PDE11A: variants seen among roughly 807,000 people sequenced by gnomAD.
PDE11A encodes the protein phosphodiesterase 11A, also known as dual 3',5'-cyclic-AMP and -GMP phosphodiesterase 11A.
PDE11A carries 100 observed loss-of-function variants against 100.5 expected under a neutral mutation model. That is an observed-to-expected ratio of 1.00 (90% CI 0.85 to 1.18). PDE11A has a LOEUF of 1.18. Ranked by LOEUF, PDE11A falls within the 50% of genes most tolerant of loss-of-function variation. The probability of loss-of-function intolerance (pLI) is 0.00; values close to 1 mark genes in which losing one functional copy is unlikely to be tolerated. For missense variants in PDE11A, 1,141 were observed against 1,152.6 expected, an observed-to-expected ratio of 0.99 and a Z score of 0.15; for synonymous variants, 381 against 420.8, an observed-to-expected ratio of 0.91 and a Z score of 1.16.
chr2:177,849,984 C>A (rs1021619430), intron 5 of PDE11A, among the ~76,000 whole-genome samples: 5 of 152,122 alleles, frequency 3.3e-5, no homozygotes, highest in African/African-American at 1.2e-4. Context: ...GATTCAATGC[C>A]ATCCCCATCA....
intron 2 of PDE11A, among the ~76,000 whole-genome samples, chr2:178,095,948 G>A (rs1039813914): frequency 2.6e-5 from 4 of 152,176 alleles, no homozygotes; most frequent in Non-Finnish European, 1.5e-5. Context: ...GCACAGAGCA[G>A]CAGTGGGGCC....
At chr2:177,719,234 G>A (rs974476804) in intron 12 of PDE11A, among the ~76,000 whole-genome samples, 1 of 152,198 alleles carries the variant, frequency 6.6e-6, no homozygotes, top group Non-Finnish European at 1.5e-5. Flanking sequence ...ACTATCGGAA[G>A]TATTGAATGA....
At chr2:177,927,040 C>T (rs535861992) in intron 2 of PDE11A, 113 of 152,372 alleles carry the variant, frequency 7.4e-4, no homozygotes, top group African/African-American at 2.6e-3. Flanking sequence ...TCCCTACTGC[C>T]TTCAGGTCAG....
chr2:177,764,485 T>C (rs1298035327), intron 10 of PDE11A, among the ~76,000 whole-genome samples: 1 of 152,254 alleles, frequency 6.6e-6, no homozygotes, highest in Non-Finnish European at 1.5e-5. Context: ...TTGTTTGGTC[T>C]GTCCACCGCA....
intron 6 of PDE11A, among the ~76,000 whole-genome samples, chr2:177,826,074 T>G (rs553377400): frequency 1.3e-5 from 2 of 152,324 alleles, no homozygotes; most frequent in Admixed American, 1.3e-4. Context: ...CATTAGAGTC[T>G]CAAAAGTTAG....
At chr2:178,039,889 C>A (rs2086662683) in intron 1 of PDE11A, among the ~76,000 whole-genome samples, 1 of 151,818 alleles carries the variant, frequency 6.6e-6, no homozygotes, top group Non-Finnish European at 1.5e-5. Flanking sequence ...AGTTCAAAAG[C>A]AGGCAAAATT....
At chr2:177,953,420 A>C (rs186231760) in intron 2 of PDE11A, 6 of 152,326 alleles carry the variant, frequency 3.9e-5, no homozygotes, top group African/African-American at 1.4e-4. Context: ...GAAGGAAAGA[A>C]AAGTGAATAT....
upstream of PDE11A, among the ~76,000 whole-genome samples, chr2:178,074,208 A>G (rs1402424204): frequency 1.3e-5 from 2 of 152,218 alleles, no homozygotes; most frequent in Admixed American, 1.3e-4. Flanking sequence ...ATTACTTTCT[A>G]GATGGAGAGG....
At position 177,623,317 on chromosome 2, in the gene PDE11A, G is replaced by T. The variant is rs368438512; in HGVS notation, c.*6090C>A. ...CTTAAAGCGGGCTTCCAAAACTATG[G>T]ATTAGTTGCTTGTGAAATGGCCAAC... is the stretch of plus-strand genomic sequence containing the variant. On this transcript the variant is annotated 3_prime_UTR_variant, in exon 20 of 20. Transcript: ENST00000286063. 6 of 152,276 alleles carry T rather than the reference G, an allele frequency of 3.9e-5. No individual in the cohort carries two copies. The highest frequency in any genetic ancestry group is 1.4e-4 in the African/African-American group (6 of 41,558). The allele number at this position is 152,276 out of a possible 1,614,324, so 9.4% of individuals were successfully genotyped here.
At chr2:177,826,286 C>T (rs999577679) in intron 6 of PDE11A, among the ~76,000 whole-genome samples, 1 of 152,172 alleles carries the variant, frequency 6.6e-6, no homozygotes, top group African/African-American at 2.4e-5. Flanking sequence ...GTTATATTTT[C>T]TAGCCTCTCA....
At chr2:177,967,240 A>C (rs12693149) in intron 2 of PDE11A, among the ~76,000 whole-genome samples, 8,954 of 136,328 alleles carry the variant, frequency 0.066, 293 homozygotes, top group South Asian at 0.094. Flanking sequence ...TGTGTCGCCC[A>C]GCCTTGAGTA....
At chr2:177,983,961 C>T (rs2085912851) in intron 2 of PDE11A, among the ~76,000 whole-genome samples, 1 of 152,102 alleles carries the variant, frequency 6.6e-6, no homozygotes, top group African/African-American at 2.4e-5. Flanking sequence ...AAACCGACTC[C>T]CAAAGTAGCA....
At chr2:178,028,989 A>G (rs1350357489) in intron 1 of PDE11A, among the ~76,000 whole-genome samples, 1 of 152,060 alleles carries the variant, frequency 6.6e-6, no homozygotes, top group East Asian at 1.9e-4. Context: ...ACTCCTAGAT[A>G]CTCCTTCAGA....
rs113185998 is a variant in PDE11A at position 177,899,702 on chromosome 2, A to C, written c.1162-1504T>G. 1.5e-3 allele frequency: 284 copies of C among 184,344 alleles called. 1 individual carries two copies. Among genetic ancestry groups the C allele is most frequent in the Non-Finnish European group, 2.4e-3 (205 of 86,812 alleles). 11.4% of individuals were successfully genotyped at this position (184,344 alleles called of 1,614,324 possible). A position where few individuals can be genotyped will look rare whatever the true frequency, so the allele number is the denominator to read the frequency against. ...CTAAATATAAATACATAAATTACATATATAATATAAATATATATAATATAT... is the reference window on the plus strand; with the variant it reads ...CTAAATATAAATACATAAATTACATCTATAATATAAATATATATAATATAT... On this transcript the variant is annotated intron_variant, in intron 3 of 19. Transcript: ENST00000286063.
At chr2:177,834,335 A>C (rs2083356234) in intron 6 of PDE11A, among the ~76,000 whole-genome samples, 1 of 152,208 alleles carries the variant, frequency 6.6e-6, no homozygotes, top group African/African-American at 2.4e-5. Flanking sequence ...AAGGCAGAGG[A>C]AACTGCCCCC....
intron 6 of PDE11A, among the ~76,000 whole-genome samples, chr2:177,830,761 C>T (rs1309040782): frequency 6.6e-6 from 1 of 151,634 alleles, no homozygotes. Flanking sequence ...ATACCCTGTT[C>T]CCATGGAGCA....
In PDE11A at chr2:177,650,559, ACT is replaced by A. The variant is rs562872905; in HGVS notation, c.2646+13305_2646+13306del. On this transcript the variant is annotated intron_variant, in intron 19 of 19. Coordinates refer to ENST00000286063, the MANE Select transcript of PDE11A (RefSeq NM_016953.4). ...TTCACCATGCTGCCCTTCAAAACAA[ACT>A]CTCTGGTTCAGTCTGCTTTTTGCTT... 3.3e-5 allele frequency among the ~76,000 whole-genome samples: 5 copies of A among 152,174 alleles called. No homozygotes were observed. The South Asian group carries it at 1.0e-3, about 32-fold the overall frequency.
At position 177,913,565 on chromosome 2, in the gene PDE11A, G is replaced by A. The variant is rs756003056; in HGVS notation, c.1072-8378C>T. Among the ~76,000 whole-genome samples the A allele has an allele frequency of 2.0e-5, 3 of 152,122 alleles. 1 individual carries two copies. Among genetic ancestry groups the A allele is most frequent in the Middle Eastern group, 6.3e-3 (2 of 316 alleles). ...AGGTACAACCCTGCTAGCATTTGTA[G>A]TGTGTTCTTCTGGATGTTTTATGGC... is the stretch of plus-strand genomic sequence containing the variant. On this transcript the variant is annotated intron_variant, in intron 2 of 19. Coordinates refer to ENST00000286063, the MANE Select transcript of PDE11A (RefSeq NM_016953.4).
At chr2:177,635,787 G>A (rs1297456109) in intron 19 of PDE11A, among the ~76,000 whole-genome samples, 1 of 151,948 alleles carries the variant, frequency 6.6e-6, no homozygotes, top group Non-Finnish European at 1.5e-5. Flanking sequence ...ACACCATACA[G>A]AGGGATCTGC....
Sources: allele counts gnomAD v4.1 joint callset (sites outside exome capture counted in the v4.1 genomes callset), GRCh38; gene constraint gnomAD v4.1.1; transcripts MANE v1.5; gene names NCBI Gene and HGNC (gene_info 2026-07-23, HGNC 2026-07-21).